MTFR1: variants seen among roughly 807,000 people sequenced by gnomAD.
The protein encoded by MTFR1 is mitochondrial fission regulator 1.
A neutral mutation model predicts 38.8 loss-of-function variants in MTFR1; 28 were observed. The ratio of observed to expected loss-of-function variants is 0.72; its 90% CI spans 0.53 to 0.99. The LOEUF (loss-of-function observed/expected upper bound fraction) is 0.99, where lower values mean the gene tolerates loss of function less well. MTFR1 is among the 50% of genes least tolerant of loss of function. MTFR1 has a pLI of 0.00. For synonymous variants in MTFR1, 145 were observed against 137.0 expected (o/e 1.06, Z -0.41); for missense variants, 358 against 395.5 (o/e 0.91, Z 0.81).
At chr8:65,687,827 C>T (rs937768810) in intron 3 of MTFR1, among the ~76,000 whole-genome samples, 5 of 151,810 alleles carry the variant, frequency 3.3e-5, no homozygotes, top group Non-Finnish European at 7.4e-5. Flanking sequence ...CGGCTAGGCG[C>T]GGTGGCCCAC....
chr8:65,762,999 G>A (rs936972334), intron 3 of MTFR1, among the ~76,000 whole-genome samples: 1 of 111,120 alleles, frequency 9.0e-6, no homozygotes, highest in African/African-American at 4.4e-5. Flanking sequence ...CAATGTGTGT[G>A]TGTGTGTGTG....
At chr8:65,745,827 C>T (rs1458966137) in intron 3 of MTFR1, among the ~76,000 whole-genome samples, 2 of 152,178 alleles carry the variant, frequency 1.3e-5, no homozygotes, top group Non-Finnish European at 2.9e-5. Flanking sequence ...TGCAAACAAT[C>T]TAATAAAAAT....
intron 1 of MTFR1, among the ~76,000 whole-genome samples, chr8:65,656,488 C>A (rs927581276): frequency 6.6e-6 from 1 of 151,236 alleles, no homozygotes; most frequent in Non-Finnish European, 1.5e-5. Context: ...CATGTACCAC[C>A]ATGCCTGGCT....
intron 3 of MTFR1, among the ~76,000 whole-genome samples, chr8:65,747,110 C>CA (rs779677547): frequency 2.0e-5 from 3 of 152,250 alleles, no homozygotes; most frequent in East Asian, 1.9e-4. Context: ...TCTAAACCCT[C>CA]AAAAATCTCT....
chr8:65,657,017 A>ATT (rs138679527), intron 1 of MTFR1, among the ~76,000 whole-genome samples: 4 of 134,652 alleles, frequency 3.0e-5, no homozygotes, highest in African/African-American at 8.2e-5. Flanking sequence ...TTATTTACTT[A>ATT]TTTTTTTTTT....
chr8:65,700,899 A>T (rs1174296760), intron 4 of MTFR1, among the ~76,000 whole-genome samples: 1 of 152,216 alleles, frequency 6.6e-6, no homozygotes, highest in African/African-American at 2.4e-5. Context: ...TTTTCTTCAC[A>T]GGTATTGGAA....
In MTFR1 at chr8:65,757,601, TTTTTG is replaced by T. The variant is rs368448878; in HGVS notation, c.*49-13322_*49-13318del. ...TGTTGTCTCTTGCTCCAAGACTTTG[TTTTTG>T]TTTTGTTTTGTTTTGTTTTGTTTGT... On this transcript the variant is annotated intron_variant, in intron 3 of 3. Transcript: ENST00000521247. 5.5e-3 allele frequency among the ~76,000 whole-genome samples: 812 copies of T among 148,670 alleles called. 5 individuals carry two copies. Among genetic ancestry groups the T allele is most frequent in the African/African-American group, 0.018 (745 of 41,416 alleles).
rs1167819750 is a variant in MTFR1 at position 65,752,805 on chromosome 8, T to C, written c.*49-18142T>C. Among the ~76,000 whole-genome samples, 10 of 152,298 alleles carry C rather than the reference T, an allele frequency of 6.6e-5. No homozygotes were observed. In the East Asian group the frequency reaches 1.9e-3, roughly 29 times the overall value. ...GTCTATGTTGAAACACCTTTATGTGTTTTCTATCTCACTTTCTCTCCAATT... is the reference window on the plus strand; with the variant it reads ...GTCTATGTTGAAACACCTTTATGTGCTTTCTATCTCACTTTCTCTCCAATT... On this transcript the variant is annotated intron_variant, in intron 3 of 3. Transcript: ENST00000521247.
At chr8:65,761,997 G>A (rs960464176) in intron 3 of MTFR1, among the ~76,000 whole-genome samples, 2 of 152,128 alleles carry the variant, frequency 1.3e-5, no homozygotes, top group African/African-American at 4.8e-5. Context: ...CTTGAGACCC[G>A]ACCACTACTT....
intron 1 of MTFR1, among the ~76,000 whole-genome samples, chr8:65,656,256 G>T (rs1055377058): frequency 6.6e-6 from 1 of 151,848 alleles, no homozygotes; most frequent in South Asian, 2.1e-4. Flanking sequence ...TATCATAAAA[G>T]GAAAGTAGCG....
At chr8:65,739,052 C>G (rs1405505831) in intron 3 of MTFR1, among the ~76,000 whole-genome samples, 2 of 152,242 alleles carry the variant, frequency 1.3e-5, no homozygotes, top group Non-Finnish European at 2.9e-5. Context: ...GAGCCCAGGG[C>G]TCCAGCGGCC....
chr8:65,644,597 G>A (rs924882422), upstream of MTFR1: 2 of 152,256 alleles, frequency 1.3e-5, no homozygotes, highest in African/African-American at 2.4e-5. Context: ...CTCAGCAGCC[G>A]GCTTGCGGAG....
At chr8:65,753,052 T>C (rs1808042716) in intron 3 of MTFR1, among the ~76,000 whole-genome samples, 1 of 152,228 alleles carries the variant, frequency 6.6e-6, no homozygotes, top group South Asian at 2.1e-4. Flanking sequence ...TGCTTTATGG[T>C]AAAGCTATTG....
chr8:65,682,331 T>C (rs748046804), intron 2 of MTFR1, 22 bp from the exon 3 acceptor site: 1 of 1,342,200 alleles, frequency 7.5e-7, no homozygotes, highest in South Asian at 1.4e-5. Context: ...AATTAAGCTT[T>C]CGGTTTTTCC....
At chr8:65,776,355 T>C in the MTFR1 span, among the ~76,000 whole-genome samples, 2 of 152,206 alleles carry the variant, frequency 1.3e-5, no homozygotes, top group Admixed American at 6.5e-5. Context: ...TTAATTATTA[T>C]TGTTTATAAT....
intron 6 of MTFR1, 67 bp from the exon 7 acceptor site, chr8:65,707,775 AC>A: frequency 6.4e-7 from 1 of 1,559,780 alleles, no homozygotes; most frequent in South Asian, 1.2e-5. Flanking sequence ...CAAAAGGTTG[AC>A]AAAGTACTTC....
At chr8:65,748,853 A>G (rs1258978962) in intron 3 of MTFR1, among the ~76,000 whole-genome samples, 1 of 152,244 alleles carries the variant, frequency 6.6e-6, no homozygotes, top group Non-Finnish European at 1.5e-5. Flanking sequence ...AATAGTAGCC[A>G]TGTCGAGGGT....
At chr8:65,665,596 A>G (rs887461231) in intron 1 of MTFR1, among the ~76,000 whole-genome samples, 3 of 152,142 alleles carry the variant, frequency 2.0e-5, no homozygotes, top group African/African-American at 4.8e-5. Flanking sequence ...CTCATCTCCA[A>G]TCAAAACCTT....
At chr8:65,722,543 G>A (rs1456157879) in intron 3 of MTFR1, 1 of 152,136 alleles carries the variant, frequency 6.6e-6, no homozygotes, top group Non-Finnish European at 1.5e-5. Context: ...TTCAACACCA[G>A]CTACCAAAAT....
Sources: allele counts gnomAD v4.1 joint callset (sites outside exome capture counted in the v4.1 genomes callset), GRCh38; gene constraint gnomAD v4.1.1; transcripts MANE v1.5; gene names NCBI Gene and HGNC (gene_info 2026-07-23, HGNC 2026-07-21).